SPEG: variants seen among roughly 807,000 people sequenced by gnomAD.
The protein encoded by SPEG is striated muscle preferentially expressed protein kinase.
In SPEG, 114 loss-of-function variants were observed where a neutral mutation model predicts 300.4. That is an observed-to-expected ratio of 0.38 (90% CI 0.33 to 0.44). SPEG has a LOEUF of 0.44. SPEG is among the 20% of genes least tolerant of loss of function. The probability of loss-of-function intolerance (pLI) is 1.00; values close to 1 mark genes in which losing one functional copy is unlikely to be tolerated. For missense variants in SPEG, 4,201 were observed against 4,586.2 expected, an observed-to-expected ratio of 0.92 and a Z score of 2.43; for synonymous variants, 1,964 against 2,018.9, an observed-to-expected ratio of 0.97 and a Z score of 0.73.
At chr2:219,440,779 CT>C (rs1353585445) in intron 1 of SPEG, among the ~76,000 whole-genome samples, 1 of 152,180 alleles carries the variant, frequency 6.6e-6, no homozygotes, top group Admixed American at 6.5e-5. Context: ...GTGTCTCAGT[CT>C]TCCTCTTGTC....
chr2:219,456,083 G>A (rs1284401423), intron 6 of SPEG, among the ~76,000 whole-genome samples: 3 of 152,254 alleles, frequency 2.0e-5, no homozygotes, highest in Non-Finnish European at 4.4e-5. Flanking sequence ...CCTACTTGGT[G>A]AGATTCCTGA....
intron 18 of SPEG, chr2:219,474,225 A>C: frequency 4.9e-6 from 1 of 204,100 alleles, no homozygotes. Context: ...TAAAAATACA[A>C]AAATTAGCTG....
In SPEG at chr2:219,483,516, G is replaced by A; in HGVS notation, c.6053G>A (p.Ser2018Asn). 4 of 1,415,002 alleles carry A rather than the reference G, an allele frequency of 2.8e-6. No individual in the cohort carries two copies. Among genetic ancestry groups the A allele is most frequent in the Non-Finnish European group, 3.7e-6 (4 of 1,095,890 alleles). 87.7% of individuals were successfully genotyped at this position (1,415,002 alleles called of 1,614,324 possible). A position where few individuals can be genotyped will look rare whatever the true frequency, so the allele number is the denominator to read the frequency against. Reference sequence around the variant, plus strand: ...CTCCGCAGGGGCAGCTCGGCTGAGAGCGCCCTGCCCCGGGCCGGGCCGCGG... The same window carrying A: ...CTCCGCAGGGGCAGCTCGGCTGAGAACGCCCTGCCCCGGGCCGGGCCGCGG... ...GELRRGSSAE[S>N]ALPRAGPREL... Residue 2018 changes from serine (S) to asparagine (N), a missense_variant, in exon 30 of 41, where the codon AGC (serine) becomes AAC (asparagine). Ser to Asn is a conservative substitution (Grantham distance 46). Around this residue, in one of 4 missense-constraint regions of SPEG, gnomAD observed 1,578 missense variants for 1,506.0 expected, o/e 1.05. Transcript: ENST00000312358.
rs757638561 is a variant in SPEG at position 219,489,897 on chromosome 2, G to T, written c.8879G>T (p.Gly2960Val). ...PRPEGTTLRQ[G>V]PPQKPYTFLE... ...CCTGAGGGTACCACTCTTCGACAGGGTCCCCCTCAGAAACCCTACACCTTC... is the reference window on the plus strand; with the variant it reads ...CCTGAGGGTACCACTCTTCGACAGGTTCCCCCTCAGAAACCCTACACCTTC... The change falls in exon 36 of 41, where the codon GGT becomes GTT. Residue 2960 changes from glycine to valine, a missense_variant. Around this residue, in one of 4 missense-constraint regions of SPEG, gnomAD observed 1,578 missense variants for 1,506.0 expected, o/e 1.05. Transcript: ENST00000312358. 6.9e-6 allele frequency: 11 copies of T among 1,594,216 alleles called. No homozygotes were observed. In the South Asian group the frequency reaches 1.2e-4, roughly 18 times the overall value.
chr2:219,489,421 C>G lies in SPEG; in HGVS notation c.8403C>G (p.Thr2801=). Reference sequence around the variant, plus strand: ...GGGCCCGGCCTCCTGACTCTCCTACCTCACTGGCCCCACCCCTAGCTCCTG... The same window carrying G: ...GGGCCCGGCCTCCTGACTCTCCTACGTCACTGGCCCCACCCCTAGCTCCTG... ...PARARPPDSP[T]SLAPPLAPAA... is the part of the protein sequence containing the mutation. Residue 2801 remains threonine (T), a synonymous_variant, in exon 36 of 41, where the codon ACC becomes ACG. Transcript: ENST00000312358. The G allele has an allele frequency of 2.5e-6, 4 of 1,613,388 alleles. No individual in the cohort carries two copies.
Position 219,476,899 on chromosome 2 carries a change from G to T in SPEG, c.4477G>T (p.Asp1493Tyr). The T allele has an allele frequency of 1.9e-6, 3 of 1,613,810 alleles. No individual in the cohort carries two copies. The highest frequency in any genetic ancestry group is 2.5e-6 in the Non-Finnish European group (3 of 1,179,928). ...EAPRFESIME[D>Y]VEVGAGETAR... ...CCCTCGGTTTGAGTCCATCATGGAG[G>T]ACGTGGAGGTGGGGGCTGGGGAAAC... Residue 1493 changes from aspartate (D) to tyrosine (Y), a missense_variant, in exon 19 of 41, where the codon GAC becomes TAC. By Grantham distance (160) the Asp-to-Tyr change is radical. Coordinates refer to ENST00000312358, the MANE Select transcript of SPEG (RefSeq NM_005876.5).
chr2:219,489,501 C>T lies in SPEG; in HGVS notation c.8483C>T (p.Pro2828Leu), dbSNP rs902661086. Residue 2828 changes from proline (P) to leucine (L), a missense_variant, in exon 36 of 41, where the codon CCT becomes CTT. Pro to Leu is a moderately conservative substitution (Grantham distance 98, BLOSUM62 -3). Around this residue, in one of 4 missense-constraint regions of SPEG, gnomAD observed 1,578 missense variants for 1,506.0 expected, o/e 1.05. Transcript: ENST00000312358. ...TVSPSSPPTP[P>L]SQALSSLKAV... ...AGCCCCTCATCTCCCCCCACACCTC[C>T]TAGCCAGGCCTTGTCCTCGCTCAAG... 6.2e-7 allele frequency: 1 copy of T among 1,612,574 alleles called. No individual in the cohort carries two copies. The highest frequency in any genetic ancestry group is 1.7e-5 in the Admixed American group (1 of 59,976).
chr2:219,449,223 C>A lies in SPEG; in HGVS notation c.2065C>A (p.Arg689Ser). 2 of 1,392,434 alleles carry A rather than the reference C, an allele frequency of 1.4e-6. No individual in the cohort carries two copies. The highest frequency in any genetic ancestry group is 1.9e-6 in the Non-Finnish European group (2 of 1,073,884). 86.3% of individuals were successfully genotyped at this position (1,392,434 alleles called of 1,614,324 possible). A position where few individuals can be genotyped will look rare whatever the true frequency, so the allele number is the denominator to read the frequency against. Residue 689 changes from arginine to serine, a missense_variant, in exon 4 of 41, where the codon CGC becomes AGC. Coordinates refer to ENST00000312358, the MANE Select transcript of SPEG (RefSeq NM_005876.5). ...GGGGCCCTGGGACCGCCGAGGGGCC[C>A]GCAGCCAGGGCAAAGGTCGCCGGGC... ...PWGPWDRRGA[R>S]SQGKGRRARP... is the part of the protein sequence containing the mutation.
At position 219,483,080 on chromosome 2, in the gene SPEG, C is replaced by G. The variant is rs763122989; in HGVS notation, c.5635-18C>G. 1.9e-6 allele frequency: 3 copies of G among 1,599,156 alleles called. No individual in the cohort carries two copies. The highest frequency in any genetic ancestry group is 2.6e-6 in the Non-Finnish European group (3 of 1,175,952). The stretch of plus-strand genomic sequence containing the variant: ...CCCCAGGGGTCCCTCAGGTCTGACT[C>G]CAGTACCCTGTCTCCAGCGCTCCCA... On this transcript the variant is annotated intron_variant, in intron 29 of 40. Transcript: ENST00000312358.
chr2:219,445,110 T>C lies in SPEG; in HGVS notation c.764T>C (p.Leu255Pro). The change falls in exon 3 of 41, where the codon CTG (leucine) becomes CCG (proline). Residue 255 changes from leucine (L) to proline (P), a missense_variant. Around this residue, in one of 4 missense-constraint regions of SPEG, gnomAD observed 1,258 missense variants for 1,293.9 expected, o/e 0.97. Coordinates refer to ENST00000312358, the MANE Select transcript of SPEG (RefSeq NM_005876.5). The surrounding 1 kb of genome is among the most constrained non-coding windows in gnomAD (Gnocchi z 6.1). ...SEDSLSVASD[L>P]YGSAFSLYRG... The stretch of plus-strand genomic sequence containing the variant: ...GATAGCCTTTCCGTGGCCAGTGACC[T>C]GTACGGCAGCGCATTCAGCCTGTAC... The C allele has an allele frequency of 6.3e-7, 1 of 1,598,184 alleles. No individual in the cohort carries two copies. Among genetic ancestry groups the C allele is most frequent in the Non-Finnish European group, 8.5e-7 (1 of 1,172,894 alleles).
Position 219,464,384 on chromosome 2 carries a change from G to T in SPEG, c.2706-49G>T, listed in dbSNP as rs77940939. 1.7e-5 allele frequency: 26 copies of T among 1,558,642 alleles called. No individual in the cohort carries two copies. The highest frequency in any genetic ancestry group is 2.1e-5 in the Non-Finnish European group (24 of 1,152,224). ...TGCTGCAGCCCCAGTTCCTGTGCACGCACATCAGGCCCCTGGGCCCTGGGA... is the reference window on the plus strand; with the variant it reads ...TGCTGCAGCCCCAGTTCCTGTGCACTCACATCAGGCCCCTGGGCCCTGGGA... On this transcript the variant is annotated intron_variant, in intron 8 of 40. Transcript: ENST00000312358. The surrounding 1 kb of genome is among the most constrained non-coding windows in gnomAD (Gnocchi z 4.5).
intron 34 of SPEG, 34 bp from the exon 35 acceptor site, chr2:219,489,020 T>G (rs765296672): frequency 1.9e-5 from 31 of 1,611,022 alleles, no homozygotes; most frequent in Non-Finnish European, 2.6e-5. Flanking sequence ...CCACCGCTTC[T>G]GTGACCTCAG....
rs1054445743 is a variant in SPEG, at chr2:219,435,044, C to T, written c.67C>T (p.Pro23Ser). 4.7e-6 allele frequency: 7 copies of T among 1,493,600 alleles called. No homozygotes were observed. The African/African-American group carries it at 5.8e-5, about 12-fold the overall frequency. The allele number at this position is 1,493,600 out of a possible 1,614,324, so 92.5% of individuals were successfully genotyped here. Reference protein sequence around the residue: ...GTRAPPSPGVPPKRAKVGAGG... With the variant: ...GTRAPPSPGVSPKRAKVGAGG... ...GAGGGCACCCCCCAGCCCCGGAGTG[C>T]CCCCGAAAAGGGCCAAGGTGGGGGC... is the stretch of plus-strand genomic sequence containing the variant. The change falls in exon 1 of 41, where the codon CCC becomes TCC. Residue 23 changes from proline to serine, a missense_variant. Pro to Ser is a moderately conservative substitution (Grantham distance 74). Transcript: ENST00000312358.
chr2:219,488,952 G>A, intron 34 of SPEG, 52 bp downstream of exon 34: 9 of 1,596,046 alleles, frequency 5.6e-6, no homozygotes, highest in Non-Finnish European at 6.8e-6. Flanking sequence ...GAGGGTAGAG[G>A]AGTCTGGTAA....
At position 219,480,800 on chromosome 2, in the gene SPEG, T is replaced by C; in HGVS notation, c.5369+103T>C. 1.8e-6 allele frequency: 2 copies of C among 1,094,380 alleles called. No individual in the cohort carries two copies. Among genetic ancestry groups the C allele is most frequent in the Non-Finnish European group, 2.8e-6 (2 of 713,224 alleles). The allele number at this position is 1,094,380 out of a possible 1,614,324, so 67.8% of individuals were successfully genotyped here. A position where few individuals can be genotyped will look rare whatever the true frequency, so the allele number is the denominator to read the frequency against. On this transcript the variant is annotated intron_variant, in intron 26 of 40. Transcript: ENST00000312358. This position sits in a 1 kb window ranked among gnomAD's most constrained non-coding sequence, Gnocchi z 5.3. ...CTTCTCTTCCGCACCCCCCACTCCTTCTTGCACTGCAAGGAGCCTCATGTG... is the reference window on the plus strand; with the variant it reads ...CTTCTCTTCCGCACCCCCCACTCCTCCTTGCACTGCAAGGAGCCTCATGTG...
chr2:219,452,754 C>T (rs1481284839), intron 6 of SPEG, among the ~76,000 whole-genome samples: 1 of 152,106 alleles, frequency 6.6e-6, no homozygotes, highest in African/African-American at 2.4e-5. Context: ...GAAGGCGGGA[C>T]ATGCCAAGAG....
rs73991566 is a variant in SPEG, at chr2:219,473,367, C to T, written c.4148-137C>T. The T allele has an allele frequency of 2.4e-3, 2,227 of 935,272 alleles. 34 individuals carry two copies. The African/African-American group carries it at 0.034, about 14-fold the overall frequency. The allele number at this position is 935,272 out of a possible 1,614,324, so 57.9% of individuals were successfully genotyped here. On this transcript the variant is annotated intron_variant, in intron 16 of 40. Coordinates refer to ENST00000312358, the MANE Select transcript of SPEG (RefSeq NM_005876.5). The surrounding 1 kb of genome is among the most constrained non-coding windows in gnomAD (Gnocchi z 4.6). ...CTCTGGCTGTGTTCCCCTGACAAAT[C>T]GCTAAACCTCTCTGAGCTTCAGCTT... is the stretch of plus-strand genomic sequence containing the variant.
chr2:219,463,391 G>GTTTTTTT (rs1690924244), intron 8 of SPEG, among the ~76,000 whole-genome samples: 1 of 60,602 alleles, frequency 1.7e-5, no homozygotes, highest in Admixed American at 2.2e-4. Context: ...TCCCCACTGT[G>GTTTTTTT]ATTTTTTTTT....
intron 28 of SPEG, among the ~76,000 whole-genome samples, chr2:219,482,567 C>G (rs1206620861): frequency 6.6e-6 from 1 of 152,100 alleles, no homozygotes; most frequent in African/African-American, 2.4e-5. Flanking sequence ...TGCCTCTCCC[C>G]TGGGGGGTTC....
Sources: gnomAD v4.1 joint callset for allele counts (sites outside exome capture counted in the v4.1 genomes callset) on GRCh38, gnomAD v4.1.1 for gene constraint, gnomAD v4.1.1 regional missense constraint, Gnocchi (gnomAD v3.1) non-coding constraint, MANE v1.5 for transcripts, NCBI Gene and HGNC (gene_info 2026-07-23, HGNC 2026-07-21) for gene names.